Variants in ANO6 observed in about 807,000 individuals in gnomAD.
ANO6 encodes the protein anoctamin-6.
A neutral mutation model predicts 117.5 loss-of-function variants in ANO6; 106 were observed. The ratio of observed to expected loss-of-function variants is 0.90; its 90% CI spans 0.77 to 1.06. The LOEUF (loss-of-function observed/expected upper bound fraction) is 1.06. ANO6 is among the 50% of genes least tolerant of loss of function. The pLI is 0.00. For synonymous variants in ANO6, 367 were observed against 385.1 expected (o/e 0.95, Z 0.55); for missense variants, 955 against 1,121.1 (o/e 0.85, Z 2.12).
chr12:45,233,692 T>C (rs1328159576), intron 1 of ANO6, among the ~76,000 whole-genome samples: 1 of 152,172 alleles, frequency 6.6e-6, no homozygotes, highest in African/African-American at 2.4e-5. Flanking sequence ...CTGTTAACTG[T>C]TTAAGTTATG....
intron 1 of ANO6, among the ~76,000 whole-genome samples, chr12:45,224,309 T>C (rs1947448661): frequency 1.3e-5 from 2 of 152,138 alleles, no homozygotes; most frequent in Non-Finnish European, 2.9e-5. Context: ...GGCATGATGA[T>C]TTCTCAAAAA....
intron 3 of ANO6, among the ~76,000 whole-genome samples, chr12:45,336,852 A>G (rs1258391903): frequency 6.6e-6 from 1 of 152,032 alleles, no homozygotes; most frequent in Non-Finnish European, 1.5e-5. Flanking sequence ...AGGTATTCCA[A>G]AAGAAGGCAC....
At chr12:45,397,170 G>T (rs1297058558) in intron 12 of ANO6, among the ~76,000 whole-genome samples, 2 of 152,102 alleles carry the variant, frequency 1.3e-5, no homozygotes, top group African/African-American at 4.8e-5. Flanking sequence ...ATCAAAAAGT[G>T]GGCAAAGCAT....
intron 2 of ANO6, among the ~76,000 whole-genome samples, chr12:45,317,125 A>ATATATATG (rs1940067882): frequency 9.9e-6 from 1 of 100,974 alleles, no homozygotes; most frequent in South Asian, 3.0e-4. Context: ...ATATATATAT[A>ATATATATG]TATATATTTA....
At chr12:45,358,313 A>C (rs994287318) in intron 8 of ANO6, among the ~76,000 whole-genome samples, 1 of 152,230 alleles carries the variant, frequency 6.6e-6, no homozygotes, top group Non-Finnish European at 1.5e-5. Context: ...GATTCTGAGC[A>C]TGTTGTACCC....
At chr12:45,261,273 T>C (rs1938023845) in intron 1 of ANO6, among the ~76,000 whole-genome samples, 1 of 152,218 alleles carries the variant, frequency 6.6e-6, no homozygotes, top group African/African-American at 2.4e-5. Flanking sequence ...TCGAAAAGGA[T>C]TCAGAACATC....
intron 2 of ANO6, among the ~76,000 whole-genome samples, chr12:45,329,312 C>G (rs1424391337): frequency 6.6e-6 from 1 of 152,080 alleles, no homozygotes; most frequent in African/African-American, 2.4e-5. Flanking sequence ...GATAGGAAAC[C>G]TGGATTTCAC....
In ANO6 at chr12:45,429,199, C is replaced by G; in HGVS notation, c.2621C>G (p.Thr874Ser). 6.2e-7 allele frequency: 1 copy of G among 1,613,870 alleles called. No homozygotes were observed. Among genetic ancestry groups the G allele is most frequent in the Non-Finnish European group, 8.5e-7 (1 of 1,179,916 alleles). Residue 874 changes from threonine to serine, a missense_variant, in exon 20 of 20, where the codon ACC (threonine) becomes AGC (serine). By Grantham distance (58) the Thr-to-Ser change is moderately conservative (BLOSUM62 1). Coordinates refer to ENST00000320560, the MANE Select transcript of ANO6 (RefSeq NM_001025356.3). ...AAGATCCAGAGAGAAAAATACCTAA[C>G]CCAAAAGCTTCTTCATGAGAATCAC... ...KSKIQREKYLTQKLLHENHLK... is the reference protein window; with the variant it reads ...KSKIQREKYLSQKLLHENHLK...
intron 2 of ANO6, among the ~76,000 whole-genome samples, chr12:45,327,517 C>A (rs1940510373): frequency 6.6e-6 from 1 of 152,200 alleles, no homozygotes; most frequent in Admixed American, 6.5e-5. Context: ...AAATTGGAGA[C>A]TACTTCTGTG....
At chr12:45,281,660 T>G (rs1246454229) in intron 1 of ANO6, among the ~76,000 whole-genome samples, 1 of 152,106 alleles carries the variant, frequency 6.6e-6, no homozygotes, top group African/African-American at 2.4e-5. Context: ...GTCCATTACC[T>G]CCCACTAGAT....
chr12:45,439,382 G>A (rs1943744782), intron 19 of ANO6, among the ~76,000 whole-genome samples: 1 of 152,200 alleles, frequency 6.6e-6, no homozygotes, highest in African/African-American at 2.4e-5. Flanking sequence ...CTCATCTGCG[G>A]TGTGGTTCTC....
intron 4 of ANO6, chr12:45,347,481 A>G (rs999811387): frequency 2.0e-5 from 4 of 199,522 alleles, no homozygotes; most frequent in Non-Finnish European, 4.0e-5. Flanking sequence ...ACTCAAAAAT[A>G]TATATGTACA....
chr12:45,310,710 A>G (rs1307851970), intron 2 of ANO6, among the ~76,000 whole-genome samples: 1 of 152,090 alleles, frequency 6.6e-6, no homozygotes, highest in Non-Finnish European at 1.5e-5. Context: ...TAACCAGGGT[A>G]TTAAAAGAGC....
intron 1 of ANO6, among the ~76,000 whole-genome samples, chr12:45,266,040 C>A (rs7304481): frequency 3.9e-5 from 6 of 152,164 alleles, no homozygotes; most frequent in South Asian, 4.2e-4. Context: ...GGCTTAGACC[C>A]TATATCCTTG....
At chr12:45,391,043 C>A (rs1045091084) in intron 12 of ANO6, among the ~76,000 whole-genome samples, 4 of 152,020 alleles carry the variant, frequency 2.6e-5, no homozygotes, top group African/African-American at 9.7e-5. Flanking sequence ...GTCACTTGAA[C>A]CCAGGAGACG....
intron 10 of ANO6, among the ~76,000 whole-genome samples, chr12:45,384,690 A>T (rs940828722): frequency 6.6e-6 from 1 of 152,210 alleles, no homozygotes; most frequent in African/African-American, 2.4e-5. Flanking sequence ...GCCCCAAAAC[A>T]ATTACAATAG....
At chr12:45,296,886 A>G (rs2137293164) in intron 1 of ANO6, among the ~76,000 whole-genome samples, 1 of 152,378 alleles carries the variant, frequency 6.6e-6, no homozygotes, top group South Asian at 2.1e-4. Context: ...ATTTCTGATT[A>G]CGTGACTTCA....
At chr12:45,253,035 A>G (rs1375770212) in intron 1 of ANO6, among the ~76,000 whole-genome samples, 1 of 152,200 alleles carries the variant, frequency 6.6e-6, no homozygotes, top group Non-Finnish European at 1.5e-5. Flanking sequence ...TACTCTCTGT[A>G]GATACTGGTA....
chr12:45,295,945 T>G (rs1409799006), intron 1 of ANO6, among the ~76,000 whole-genome samples: 1 of 152,136 alleles, frequency 6.6e-6, no homozygotes, highest in African/African-American at 2.4e-5. Context: ...CACTGCAACT[T>G]CAGCCTCCTG....
Sources: gnomAD v4.1 joint callset for allele counts (sites outside exome capture counted in the v4.1 genomes callset) on GRCh38, gnomAD v4.1.1 for gene constraint, MANE v1.5 for transcripts, NCBI Gene and HGNC (gene_info 2026-07-23, HGNC 2026-07-21) for gene names.